The following DDX21 variants were observed in gnomAD, a reference collection of about 807,000 sequenced individuals.
The protein encoded by DDX21 is nucleolar RNA helicase 2.
A neutral mutation model predicts 90.0 loss-of-function variants in DDX21; 18 were observed. The observed-to-expected ratio is 0.20, with a 90% CI of 0.14 to 0.30. The LOEUF (loss-of-function observed/expected upper bound fraction) is 0.30, where lower values mean the gene tolerates loss of function less well. Among genes scored for constraint, DDX21 ranks in the 10% least tolerant of loss-of-function variants. DDX21 has a pLI of 1.00. For synonymous variants in DDX21, 294 were observed against 318.0 expected (o/e 0.92, Z 0.80); for missense variants, 673 against 944.5 (o/e 0.71, Z 3.77).
intron 9 of DDX21, 122 bp downstream of exon 9, chr10:68,972,174 C>T: frequency 8.8e-7 from 1 of 1,142,238 alleles, no homozygotes; most frequent in Non-Finnish European, 1.2e-6. Context: ...TGCTGGGATG[C>T]TAAGGGTGAT....
chr10:68,980,832 C>CAAA (rs11340675), intron 13 of DDX21, among the ~76,000 whole-genome samples: 5 of 99,642 alleles, frequency 5.0e-5, no homozygotes, highest in African/African-American at 1.4e-4. Flanking sequence ...CTGTCTCTAC[C>CAAA]AAAAAAAAAA....
chr10:68,968,187 T>G (rs1405564805), intron 6 of DDX21, among the ~76,000 whole-genome samples: 1 of 152,098 alleles, frequency 6.6e-6, no homozygotes, highest in Non-Finnish European at 1.5e-5. Context: ...TTTTTATTTT[T>G]AAGATAGGCC....
Position 68,968,853 on chromosome 10 carries a change from C to T in DDX21, c.1091-123C>T, listed in dbSNP as rs191694933. The stretch of plus-strand genomic sequence containing the variant: ...CTTCCAGTTTTGTGTCCTCAGTGCC[C>T]GACTTGGCCTCAGGTGGTTGCTGGT... On this transcript the variant is annotated intron_variant, in intron 6 of 14. Transcript: ENST00000354185. 6.5e-4 allele frequency: 718 copies of T among 1,112,220 alleles called. 1 individual carries two copies. The African/African-American group carries it at 0.01, about 16-fold the overall frequency. The allele number at this position is 1,112,220 out of a possible 1,614,324, so 68.9% of individuals were successfully genotyped here.
chr10:68,970,384 G>T (rs769364253), intron 8 of DDX21, 34 bp downstream of exon 8: 2 of 1,593,652 alleles, frequency 1.3e-6, no homozygotes, highest in South Asian at 1.1e-5. Context: ...CAAAACTGGG[G>T]ATATCAACAA....
chr10:68,959,852 C>G lies in DDX21; in HGVS notation c.134C>G (p.Ala45Gly), dbSNP rs752315891. 6 of 1,577,662 alleles carry G rather than the reference C, an allele frequency of 3.8e-6. No individual in the cohort carries two copies. The highest frequency in any genetic ancestry group is 5.1e-6 in the Non-Finnish European group (6 of 1,171,752). The part of the protein sequence containing the change: ...KPKSDKTEEI[A>G]EEEETVFPKA... Reference sequence around the variant, plus strand: ...AAATCTGATAAGACTGAAGAGATAGCAGAAGAGGAAGAAACTGTTTTCCCC... The same window carrying G: ...AAATCTGATAAGACTGAAGAGATAGGAGAAGAGGAAGAAACTGTTTTCCCC... The change falls in exon 2 of 15, where the codon GCA (alanine) becomes GGA (glycine). Residue 45 changes from alanine (A) to glycine (G), a missense_variant. Ala to Gly is a moderately conservative substitution (Grantham distance 60). Around this residue, in one of 4 missense-constraint regions of DDX21, gnomAD observed 204 missense variants for 221.6 expected, o/e 0.92. Coordinates refer to ENST00000354185, the MANE Select transcript of DDX21 (RefSeq NM_004728.4).
intron 5 of DDX21, 21 bp from the exon 6 acceptor site, chr10:68,966,997 T>C (rs1842948392): frequency 6.3e-7 from 1 of 1,599,588 alleles, no homozygotes; most frequent in African/African-American, 1.3e-5. Context: ...ACCCAGCAAA[T>C]CTTGTCATTG....
intron 12 of DDX21, 71 bp downstream of exon 12, chr10:68,977,759 T>G (rs1276309763): frequency 1.4e-6 from 2 of 1,428,774 alleles, no homozygotes; most frequent in Middle Eastern, 2.6e-4. Context: ...GGGTTTCATT[T>G]AAGCTTCCCA....
rs79944339 is a variant in DDX21, at chr10:68,959,206, C to G, written c.88-600C>G. On this transcript the variant is annotated intron_variant, in intron 1 of 14. Coordinates refer to ENST00000354185, the MANE Select transcript of DDX21 (RefSeq NM_004728.4). ...GCTTATCCAAATCCCTTATGAAAATCTGGTTTATAGGCCAAGCACGGTGGC... is the reference window on the plus strand; with the variant it reads ...GCTTATCCAAATCCCTTATGAAAATGTGGTTTATAGGCCAAGCACGGTGGC... Among the ~76,000 whole-genome samples the G allele has an allele frequency of 2.2e-3, 336 of 152,076 alleles. 2 individuals are homozygous for G. Among genetic ancestry groups the G allele is most frequent in the African/African-American group, 7.6e-3 (314 of 41,480 alleles).
At chr10:68,970,443 G>A (rs1230095238) in intron 8 of DDX21, 93 bp downstream of exon 8, 2 of 1,187,504 alleles carry the variant, frequency 1.7e-6, no homozygotes, top group Non-Finnish European at 2.3e-6. Flanking sequence ...CATTCATTCA[G>A]TGAATACCAG....
chr10:68,958,469 C>G (rs1054891229), intron 1 of DDX21, among the ~76,000 whole-genome samples: 1 of 151,716 alleles, frequency 6.6e-6, no homozygotes. Flanking sequence ...GACAGTCTTG[C>G]TGTGTCGCCC....
intron 9 of DDX21, 35 bp downstream of exon 9, chr10:68,972,087 G>T (rs553739523): frequency 2.5e-6 from 4 of 1,575,626 alleles, no homozygotes; most frequent in South Asian, 1.2e-5. Flanking sequence ...ATTTTGTTTT[G>T]TTTTTTTTGG....
At chr10:68,957,622 A>G (rs1446728702) in intron 1 of DDX21, among the ~76,000 whole-genome samples, 1 of 152,252 alleles carries the variant, frequency 6.6e-6, no homozygotes, top group Non-Finnish European at 1.5e-5. Flanking sequence ...TCAATTTGGC[A>G]TGCTCAAATC....
chr10:68,965,985 A>G (rs1219015713), intron 5 of DDX21, among the ~76,000 whole-genome samples: 2 of 151,904 alleles, frequency 1.3e-5, no homozygotes, highest in Admixed American at 6.6e-5. Flanking sequence ...TTAGGAAGGG[A>G]TTTAAGGAAT....
rs535070422 is a variant in DDX21 at position 68,974,741 on chromosome 10, C to G, written c.1740C>G (p.Ile580Met). 4 of 1,612,830 alleles carry G rather than the reference C, an allele frequency of 2.5e-6. No homozygotes were observed. Among genetic ancestry groups the G allele is most frequent in the Middle Eastern group, 1.7e-4 (1 of 6,060 alleles). The stretch of plus-strand genomic sequence containing the variant: ...TAAAAGCTTCCAGCAAAGATGCCAT[C>G]AGGTATGTTCCCTACCACTGCTATG... Reference protein sequence around the residue: ...EIIKASSKDAIRLLDSVPPTA... With the variant: ...EIIKASSKDAMRLLDSVPPTA... Residue 580 changes from isoleucine to methionine, a missense_variant and splice_region_variant, in exon 11 of 15, where the codon ATC becomes ATG. Physicochemically the swap from Ile to Met is conservative, Grantham distance 10 (BLOSUM62 1). Transcript: ENST00000354185.
chr10:68,979,856 C>G (rs532958591), intron 13 of DDX21, among the ~76,000 whole-genome samples: 2 of 152,216 alleles, frequency 1.3e-5, no homozygotes, highest in Non-Finnish European at 2.9e-5. Flanking sequence ...AGCTTAATTT[C>G]TACCTCATTG....
chr10:68,965,530 C>A, intron 5 of DDX21, 36 bp downstream of exon 5: 1 of 1,472,556 alleles, frequency 6.8e-7, no homozygotes, highest in Non-Finnish European at 9.5e-7. Context: ...GGTATAATGC[C>A]ACCCATTGTT....
chr10:68,975,677 C>T (rs1843087850), intron 11 of DDX21, among the ~76,000 whole-genome samples: 1 of 152,130 alleles, frequency 6.6e-6, no homozygotes, highest in Admixed American at 6.5e-5. Context: ...GTGGCTCATG[C>T]CTGTAATCCC....
At chr10:68,956,755 A>C (rs1242370178) in intron 1 of DDX21, 1 of 1,008,986 alleles carries the variant, frequency 9.9e-7, no homozygotes, top group Non-Finnish European at 1.2e-6. Context: ...CAAAGTGGGT[A>C]CTGGAGGCCG....
At chr10:68,959,751 C>G (rs766352017) in intron 1 of DDX21, 55 bp from the exon 2 acceptor site, 8 of 1,251,700 alleles carry the variant, frequency 6.4e-6, no homozygotes, top group Admixed American at 2.8e-5. Flanking sequence ...ATGAATGTTG[C>G]AAATGTATAA....
Sources: allele counts gnomAD v4.1 joint callset (sites outside exome capture counted in the v4.1 genomes callset), GRCh38; gene constraint gnomAD v4.1.1; regional missense constraint gnomAD v4.1.1; transcripts MANE v1.5; gene names NCBI Gene and HGNC (gene_info 2026-07-23, HGNC 2026-07-21).